Variants in TMEM164 observed in about 807,000 individuals in gnomAD.
TMEM164 encodes the protein RP13-360B22.2.
In TMEM164, 4 loss-of-function variants were observed where a neutral mutation model predicts 18.8. The ratio of observed to expected loss-of-function variants is 0.21; its 90% CI spans 0.10 to 0.49. TMEM164 has a LOEUF of 0.49. TMEM164 is among the 20% of genes least tolerant of loss of function. TMEM164 has a pLI of 0.98. For synonymous variants in TMEM164, 86 were observed against 101.7 expected (o/e 0.85, Z 0.93); for missense variants, 108 against 239.9 (o/e 0.45, Z 3.63).
At chrX:110,146,011 A>G (rs1220002456) in intron 5 of TMEM164, among the ~76,000 whole-genome samples, 4 of 112,113 alleles carry the variant, frequency 3.6e-5, no homozygotes, top group African/African-American at 1.3e-4. Flanking sequence ...GTCCCAAAAC[A>G]CTTCCTTTTA....
At position 110,067,377 on chromosome X, in the gene TMEM164, G is replaced by A. The variant is rs1475127928; in HGVS notation, c.421G>A (p.Gly141Arg). 8.3e-7 allele frequency: 1 copy of A among 1,209,502 alleles called. No individual in the cohort carries two copies. The highest frequency in any genetic ancestry group is 1.1e-6 in the Non-Finnish European group (1 of 894,930). The change falls in exon 3 of 7, where the codon GGA (glycine) becomes AGA (arginine). Residue 141 changes from glycine to arginine, a missense_variant. Transcript: ENST00000372068. ...IFLLACPPCR[G>R]AIVVFKLQMH... ...TCTCCTGGCCTGCCCTCCATGTCGGGGAGCTATCGTCGTCTTCAAGTAAGA... is the reference window on the plus strand; with the variant it reads ...TCTCCTGGCCTGCCCTCCATGTCGGAGAGCTATCGTCGTCTTCAAGTAAGA...
chrX:110,126,809 C>CGT (rs2066535900), intron 4 of TMEM164, among the ~76,000 whole-genome samples: 1 of 70,057 alleles, frequency 1.4e-5, no homozygotes, highest in African/African-American at 6.8e-5. Flanking sequence ...CTGGGCCACT[C>CGT]CTGTGTGTGT....
At position 110,174,623 on chromosome X, in the gene TMEM164, T is replaced by A. The variant is rs938640469; in HGVS notation, c.*1172T>A. The A allele has an allele frequency of 4.5e-5, 5 of 110,451 alleles. No homozygotes were observed. The highest frequency in any genetic ancestry group is 1.7e-4 in the African/African-American group (5 of 30,240). 9.1% of individuals were successfully genotyped at this position (110,451 alleles called of 1,213,427 possible). On this transcript the variant is annotated 3_prime_UTR_variant, in exon 7 of 7. Transcript: ENST00000372068. ...GACATCACGTCCTCCTCATCCTGTC[T>A]ACCCCCAAATCCCATGTCTAGGTTG...
intron 3 of TMEM164, among the ~76,000 whole-genome samples, chrX:110,087,870 G>A (rs1419777940): frequency 9.0e-6 from 1 of 111,678 alleles, no homozygotes; most frequent in Non-Finnish European, 1.9e-5. Context: ...AAGGGGATGA[G>A]ATGAAATTTC....
intron 3 of TMEM164, among the ~76,000 whole-genome samples, chrX:110,091,223 AG>A (rs1199652001): frequency 8.9e-5 from 10 of 112,678 alleles, no homozygotes; most frequent in Non-Finnish European, 1.7e-4. Flanking sequence ...GTATACACCC[AG>A]TAATGGGATG....
Position 110,025,430 on chromosome X carries a change from A to G in TMEM164, c.390+21266A>G, listed in dbSNP as rs769314546. 8.9e-5 allele frequency among the ~76,000 whole-genome samples: 10 copies of G among 111,866 alleles called. No homozygotes were observed. The South Asian group carries it at 3.8e-3, about 42-fold the overall frequency. On this transcript the variant is annotated intron_variant, in intron 2 of 6. Transcript: ENST00000372068. ...GGGAGTTAAAAACCAGATGGCATCA[A>G]AACCCAAGCTGCACACACATCTTGT...
intron 4 of TMEM164, among the ~76,000 whole-genome samples, chrX:110,117,977 A>G (rs1270534144): frequency 9.0e-6 from 1 of 111,396 alleles, no homozygotes; most frequent in Non-Finnish European, 1.9e-5. Flanking sequence ...CAGTGGTGTG[A>G]TTTTGGCTCA....
chrX:110,016,587 A>G (rs1182180134), intron 2 of TMEM164, among the ~76,000 whole-genome samples: 1 of 112,297 alleles, frequency 8.9e-6, no homozygotes, highest in East Asian at 2.8e-4. Flanking sequence ...TGCTTTAGGC[A>G]TGGTGCTTAG....
chrX:110,019,187 T>C (rs1029634850), intron 2 of TMEM164, among the ~76,000 whole-genome samples: 1 of 111,517 alleles, frequency 9.0e-6, no homozygotes, highest in Non-Finnish European at 1.9e-5. Flanking sequence ...TCTGCCATGA[T>C]ACTGTTCCTT....
intron 2 of TMEM164, among the ~76,000 whole-genome samples, chrX:110,024,804 T>C (rs188667362): frequency 8.0e-5 from 9 of 112,117 alleles, no homozygotes; most frequent in Admixed American, 2.8e-4. Flanking sequence ...TACATGTAAC[T>C]TTTATCTCCT....
At chrX:110,029,223 T>C (rs766970088) in intron 2 of TMEM164, among the ~76,000 whole-genome samples, 1 of 111,957 alleles carries the variant, frequency 8.9e-6, no homozygotes, top group Admixed American at 9.5e-5. Context: ...GCCAGAGGCT[T>C]TTGTCGTTAT....
intron 2 of TMEM164, among the ~76,000 whole-genome samples, chrX:110,036,291 A>G (rs773318117): frequency 9.0e-6 from 1 of 111,458 alleles, no homozygotes; most frequent in South Asian, 3.7e-4. Context: ...GCTCAATCCT[A>G]TCTGTATTCA....
At chrX:110,157,420 G>A (rs182444116) in intron 5 of TMEM164, among the ~76,000 whole-genome samples, 529 of 111,520 alleles carry the variant, frequency 4.7e-3, no homozygotes, top group Admixed American at 8.1e-3. Context: ...AGAGCCAAGG[G>A]AGGGTGTTTC....
At chrX:110,069,631 C>G (rs777758650) in intron 3 of TMEM164, among the ~76,000 whole-genome samples, 427 of 105,635 alleles carry the variant, frequency 4.0e-3, no homozygotes, top group African/African-American at 0.014. Flanking sequence ...GTTGGCCAGG[C>G]TGGTCTCGAA....
chrX:110,126,885 AG>A (rs1446026453), intron 4 of TMEM164, among the ~76,000 whole-genome samples: 1 of 97,481 alleles, frequency 1.0e-5, no homozygotes, highest in Non-Finnish European at 2.0e-5. Context: ...GAAGAACATA[AG>A]GTTCTTCATG....
chrX:110,134,669 C>T (rs1184963089), intron 4 of TMEM164, among the ~76,000 whole-genome samples: 1 of 105,641 alleles, frequency 9.5e-6, no homozygotes, highest in African/African-American at 3.5e-5. Context: ...ATAGCATGTG[C>T]CTGGCAGGGC....
intron 2 of TMEM164, among the ~76,000 whole-genome samples, chrX:110,006,601 A>G (rs1932737830): frequency 9.0e-6 from 1 of 111,706 alleles, no homozygotes; most frequent in African/African-American, 3.3e-5. Flanking sequence ...AAAAAAAAAA[A>G]AATTAACAGC....
chrX:110,010,590 T>C (rs1210471386), intron 2 of TMEM164, among the ~76,000 whole-genome samples: 1 of 112,276 alleles, frequency 8.9e-6, no homozygotes, highest in Admixed American at 9.4e-5. Flanking sequence ...TCTTGGGTGA[T>C]TCTAATGCTG....
chrX:110,097,559 G>T (rs1041244240), intron 3 of TMEM164, among the ~76,000 whole-genome samples: 2 of 112,272 alleles, frequency 1.8e-5, no homozygotes, highest in African/African-American at 6.5e-5. Flanking sequence ...TATGTGATTT[G>T]TAGATACATA....
Sources: gnomAD v4.1 joint callset for allele counts (sites outside exome capture counted in the v4.1 genomes callset) on GRCh38, gnomAD v4.1.1 for gene constraint, MANE v1.5 for transcripts, NCBI Gene and HGNC (gene_info 2026-07-23, HGNC 2026-07-21) for gene names.